Variants in SYN3 observed in about 807,000 individuals in gnomAD.
The protein encoded by SYN3 is synapsin-3.
A neutral mutation model predicts 65.8 loss-of-function variants in SYN3; 35 were observed. The ratio of observed to expected loss-of-function variants is 0.53; its 90% confidence interval spans 0.41 to 0.70. The LOEUF is 0.70. Among genes scored for constraint, SYN3 ranks in the 30% least tolerant of loss-of-function variants. The pLI is 0.00. For synonymous variants in SYN3, 270 were observed against 292.9 expected, an observed-to-expected ratio of 0.92 and a Z score of 0.80; for missense variants, 680 against 749.0, an observed-to-expected ratio of 0.91 and a Z score of 1.08.
chr22:32,617,480 T>C (rs925967562), intron 6 of SYN3, among the ~76,000 whole-genome samples: 2 of 151,744 alleles, frequency 1.3e-5, no homozygotes, highest in Non-Finnish European at 2.9e-5. Context: ...TTTTTTCTTT[T>C]TTTTTTTTTA....
At chr22:32,627,621 C>G (rs1223462754) in intron 6 of SYN3, among the ~76,000 whole-genome samples, 1 of 152,092 alleles carries the variant, frequency 6.6e-6, no homozygotes, top group African/African-American at 2.4e-5. Flanking sequence ...ATCATACACA[C>G]ATGTAGGAGT....
chr22:32,603,930 A>AT (rs1601737482), intron 6 of SYN3, among the ~76,000 whole-genome samples: 1 of 152,212 alleles, frequency 6.6e-6, no homozygotes, highest in East Asian at 1.9e-4. Context: ...GAAAACAGAG[A>AT]TCCCCACCCA....
intron 4 of SYN3, among the ~76,000 whole-genome samples, chr22:32,895,152 C>T (rs973079773): frequency 1.3e-5 from 2 of 152,080 alleles, no homozygotes; most frequent in South Asian, 2.1e-4. Context: ...AGGAGTGAGC[C>T]GAAGTTTCAT....
At chr22:32,823,955 A>C (rs547716205) in intron 6 of SYN3, among the ~76,000 whole-genome samples, 1 of 152,238 alleles carries the variant, frequency 6.6e-6, no homozygotes, top group South Asian at 2.1e-4. Context: ...GTCAGCACAT[A>C]GAAAGTCAAA....
At chr22:32,990,399 T>TCCATCCAG (rs1480291621) in intron 2 of SYN3, among the ~76,000 whole-genome samples, 2 of 130,652 alleles carry the variant, frequency 1.5e-5, no homozygotes. Context: ...CATCCATCCA[T>TCCATCCAG]CCATCCAGCC....
At chr22:32,859,139 A>G (rs759920859) in intron 6 of SYN3, 56 of 1,604,934 alleles carry the variant, frequency 3.5e-5, no homozygotes, top group Non-Finnish European at 4.7e-5. Flanking sequence ...TGGGCATACC[A>G]TGGCAGAGTC....
chr22:32,592,249 A>G (rs144555729), intron 7 of SYN3, among the ~76,000 whole-genome samples: 2 of 152,284 alleles, frequency 1.3e-5, no homozygotes, highest in East Asian at 3.9e-4. Context: ...CCTGGTAAAT[A>G]TCAGTACTAC....
chr22:32,665,129 C>T (rs1359845062), intron 6 of SYN3, among the ~76,000 whole-genome samples: 1 of 151,424 alleles, frequency 6.6e-6, no homozygotes, highest in African/African-American at 2.4e-5. Flanking sequence ...TCCCACATAC[C>T]TGGGACTACA....
At chr22:32,722,758 C>G (rs985834902) in intron 6 of SYN3, among the ~76,000 whole-genome samples, 1 of 152,196 alleles carries the variant, frequency 6.6e-6, no homozygotes, top group Non-Finnish European at 1.5e-5. Flanking sequence ...AACCCTATCT[C>G]TAGGCTAGGA....
chr22:32,542,403 A>G (rs2058270624), intron 7 of SYN3, among the ~76,000 whole-genome samples: 2 of 151,250 alleles, frequency 1.3e-5, no homozygotes, highest in Non-Finnish European at 2.9e-5. Flanking sequence ...TATTTGCTGT[A>G]TGCTATGTGT....
chr22:32,618,571 C>G (rs8135117), intron 6 of SYN3, among the ~76,000 whole-genome samples: 40,497 of 151,890 alleles, frequency 0.27, 8,206 homozygotes, highest in African/African-American at 0.56. Flanking sequence ...CATTTTCCCC[C>G]CTTTCATTCT....
intron 6 of SYN3, among the ~76,000 whole-genome samples, chr22:32,772,982 T>C (rs2045813511): frequency 6.6e-6 from 1 of 152,132 alleles, no homozygotes; most frequent in Non-Finnish European, 1.5e-5. Flanking sequence ...AGATAGTAAA[T>C]ATCTGGGGCT....
At chr22:32,513,867 A>G in intron 13 of SYN3, 43 bp from the exon 14 acceptor site, 1 of 1,611,278 alleles carries the variant, frequency 6.2e-7, no homozygotes, top group Non-Finnish European at 8.5e-7. Flanking sequence ...CAAGGCGAAG[A>G]CTATCAAAGA....
intron 6 of SYN3, among the ~76,000 whole-genome samples, chr22:32,648,858 A>G (rs2060021280): frequency 6.6e-6 from 1 of 152,220 alleles, no homozygotes; most frequent in Non-Finnish European, 1.5e-5. Flanking sequence ...GAGGTGCCAC[A>G]CAACAGTCAT....
intron 6 of SYN3, among the ~76,000 whole-genome samples, chr22:32,788,672 G>A: frequency 7.6e-6 from 1 of 132,042 alleles, no homozygotes; most frequent in East Asian, 2.6e-4. Context: ...TAGATTATGT[G>A]CAAATACTAT....
At chr22:32,948,516 C>T (rs1416700700) in intron 3 of SYN3, among the ~76,000 whole-genome samples, 1 of 152,018 alleles carries the variant, frequency 6.6e-6, no homozygotes, top group African/African-American at 2.4e-5. Context: ...GCGGGCAGAT[C>T]ACAAGGTCAG....
intron 6 of SYN3, among the ~76,000 whole-genome samples, chr22:32,682,618 A>G (rs1408208732): frequency 6.6e-6 from 1 of 152,190 alleles, no homozygotes; most frequent in Non-Finnish European, 1.5e-5. Flanking sequence ...TCTGATCTTT[A>G]TTAGTCCCAG....
intron 1 of SYN3, among the ~76,000 whole-genome samples, chr22:33,045,646 T>C (rs913112858): frequency 2.6e-5 from 4 of 151,848 alleles, no homozygotes; most frequent in African/African-American, 7.3e-5. Context: ...GTATTTTTAG[T>C]AGAGACAGAG....
intron 6 of SYN3, among the ~76,000 whole-genome samples, chr22:32,743,357 G>T (rs989181323): frequency 6.6e-6 from 1 of 152,192 alleles, no homozygotes; most frequent in South Asian, 2.1e-4. Context: ...GCTGGCTTCT[G>T]CAGACAATTC....
Sources: allele counts gnomAD v4.1 joint callset (sites outside exome capture counted in the v4.1 genomes callset), GRCh38; gene constraint gnomAD v4.1.1; transcripts MANE v1.5; gene names NCBI Gene and HGNC (gene_info 2026-07-23, HGNC 2026-07-21).